The following CERT1 variants were observed in gnomAD, a reference collection of about 807,000 sequenced individuals.
CERT1 encodes the protein ceramide transfer protein.
A neutral mutation model predicts 87.9 loss-of-function variants in CERT1; 31 were observed. The ratio of observed to expected loss-of-function variants is 0.35; its 90% CI spans 0.27 to 0.48. CERT1 has a LOEUF of 0.48. CERT1 is among the 20% of genes least tolerant of loss of function. CERT1 has a pLI of 0.99. For missense variants in CERT1, 487 were observed against 758.0 expected (o/e 0.64, Z 4.20); for synonymous variants, 289 against 250.9 (o/e 1.15, Z -1.44).
chr5:75,416,782 A>G, intron 7 of CERT1, 94 bp downstream of exon 7: 3 of 1,129,674 alleles, frequency 2.7e-6, no homozygotes, highest in Non-Finnish European at 3.8e-6. Context: ...TCAACCCAAG[A>G]TTCTTCCCTA....
chr5:75,416,051 C>G (rs1048642427), intron 7 of CERT1, among the ~76,000 whole-genome samples: 3 of 152,108 alleles, frequency 2.0e-5, no homozygotes, highest in Admixed American at 2.0e-4. Context: ...GTGTCCCGCT[C>G]AAATTCAAAG....
intron 1 of CERT1, among the ~76,000 whole-genome samples, chr5:75,507,397 C>A (rs1417753307): frequency 6.6e-6 from 1 of 152,122 alleles, no homozygotes; most frequent in Non-Finnish European, 1.5e-5. Context: ...AGGTGAGCCA[C>A]CATCCCTAGC....
downstream of CERT1, chr5:75,374,990 A>T: frequency 4.2e-6 from 1 of 236,878 alleles, no homozygotes; most frequent in Non-Finnish European, 8.4e-6. Flanking sequence ...TTATTCATGT[A>T]AATCAAATCT....
chr5:75,434,994 C>T (rs995800971), intron 3 of CERT1, among the ~76,000 whole-genome samples: 1 of 152,086 alleles, frequency 6.6e-6, no homozygotes, highest in Non-Finnish European at 1.5e-5. Flanking sequence ...GATCAGCTCT[C>T]ATTTTATTTG....
intron 3 of CERT1, among the ~76,000 whole-genome samples, chr5:75,436,607 A>G (rs1055262624): frequency 1.3e-5 from 2 of 152,164 alleles, no homozygotes; most frequent in African/African-American, 4.8e-5. Context: ...AATATAAGGT[A>G]TTTCAGAAGT....
intron 2 of CERT1, among the ~76,000 whole-genome samples, chr5:75,471,818 CAT>C (rs953513315): frequency 1.1e-4 from 16 of 149,372 alleles, no homozygotes; most frequent in Non-Finnish European, 2.1e-4. Flanking sequence ...CTGTGTGACA[CAT>C]GACTGTATTG....
intron 3 of CERT1, among the ~76,000 whole-genome samples, chr5:75,436,292 C>G (rs1278459602): frequency 6.6e-6 from 1 of 152,162 alleles, no homozygotes; most frequent in East Asian, 1.9e-4. Flanking sequence ...CTCGGCCTCC[C>G]TAAGTGCTGG....
chr5:75,373,117 A>G (rs1347505314), downstream of CERT1: 2 of 152,250 alleles, frequency 1.3e-5, no homozygotes, highest in Non-Finnish European at 2.9e-5. Context: ...GCTCTGCTGA[A>G]GTTTCTGATC....
chr5:75,481,015 T>G (rs1465608558), intron 2 of CERT1, among the ~76,000 whole-genome samples: 2 of 152,176 alleles, frequency 1.3e-5, no homozygotes, highest in African/African-American at 4.8e-5. Context: ...GTGATCCTGT[T>G]GCACGGATCA....
Position 75,499,084 on chromosome 5 carries a change from G to C in CERT1, c.231+6898C>G, listed in dbSNP as rs141494236. Reference sequence around the variant, plus strand: ...GGCTGCCTGCCAATTTCTCCCATTTGGAATAGGTGTATTTACCCACTGCCC... The same window carrying C: ...GGCTGCCTGCCAATTTCTCCCATTTCGAATAGGTGTATTTACCCACTGCCC... On this transcript the variant is annotated intron_variant, in intron 2 of 16. Coordinates refer to ENST00000643780, the MANE Select transcript of CERT1 (RefSeq NM_001379029.1). Among the ~76,000 whole-genome samples, 164 of 152,284 alleles carry C rather than the reference G, an allele frequency of 1.1e-3. 1 individual carries two copies. The East Asian group carries it at 0.027, about 25-fold the overall frequency.
intron 11 of CERT1, among the ~76,000 whole-genome samples, chr5:75,395,248 A>G (rs145935809): frequency 2.0e-5 from 3 of 152,210 alleles, no homozygotes; most frequent in African/African-American, 7.2e-5. Flanking sequence ...ATAACTGTGA[A>G]CAAAATGATC....
intron 3 of CERT1, among the ~76,000 whole-genome samples, chr5:75,435,624 A>C (rs13176978): frequency 6.6e-6 from 1 of 152,074 alleles, no homozygotes; most frequent in Non-Finnish European, 1.5e-5. Flanking sequence ...TGAGGCTCTT[A>C]AGGAATTGAC....
Position 75,464,380 on chromosome 5 carries a change from T to C in CERT1, c.232-5199A>G, listed in dbSNP as rs146906046. Among the ~76,000 whole-genome samples the C allele has an allele frequency of 2.1e-3, 313 of 152,184 alleles. 1 individual carries two copies. The East Asian group carries it at 0.027, about 13-fold the overall frequency. On this transcript the variant is annotated intron_variant, in intron 2 of 16. Coordinates refer to ENST00000643780, the MANE Select transcript of CERT1 (RefSeq NM_001379029.1). ...TACCGCATAGTAACATTAGAGGCCC[T>C]ACTCTCCACCCTCTGGACAGACTAA...
intron 3 of CERT1, among the ~76,000 whole-genome samples, chr5:75,447,394 TG>T (rs1764589304): frequency 1.3e-5 from 2 of 152,152 alleles, no homozygotes; most frequent in Non-Finnish European, 2.9e-5. Context: ...TACCGTTGTC[TG>T]GGTTATAAGA....
At position 75,445,757 on chromosome 5, in the gene CERT1, T is replaced by C. The variant is rs147566265; in HGVS notation, c.348+13308A>G. 6.8e-3 allele frequency among the ~76,000 whole-genome samples: 1,040 copies of C among 152,284 alleles called. 5 individuals carry two copies. Among genetic ancestry groups the C allele is most frequent in the Non-Finnish European group, 0.011 (767 of 67,998 alleles). On this transcript the variant is annotated intron_variant, in intron 3 of 16. Transcript: ENST00000643780. ...GATCCACCTGCCTCTACCTCCTGAG[T>C]AGCTGAGATTACAGGTGCAATGCCA...
intron 3 of CERT1, among the ~76,000 whole-genome samples, chr5:75,427,085 C>T (rs754532097): frequency 4.6e-5 from 7 of 152,100 alleles, no homozygotes; most frequent in Non-Finnish European, 8.8e-5. Flanking sequence ...GTTCATGGCA[C>T]GAAGTTTCCA....
intron 2 of CERT1, among the ~76,000 whole-genome samples, chr5:75,484,393 C>T (rs375434477): frequency 6.7e-6 from 1 of 149,924 alleles, no homozygotes; most frequent in African/African-American, 2.5e-5. Context: ...TAAATCCTTG[C>T]TTATTAATAA....
At chr5:75,483,368 A>G (rs894201548) in intron 2 of CERT1, among the ~76,000 whole-genome samples, 34 of 152,168 alleles carry the variant, frequency 2.2e-4, no homozygotes, top group African/African-American at 7.5e-4. Context: ...GAATGTAGCA[A>G]GCCTACAAGA....
intron 17 of CERT1, chr5:75,372,616 T>C (rs1470690990): frequency 6.6e-6 from 1 of 152,236 alleles, no homozygotes; most frequent in African/African-American, 2.4e-5. Flanking sequence ...TCCGCGTGCA[T>C]GTAATGTAAG....
Sources: gnomAD v4.1 joint callset for allele counts (sites outside exome capture counted in the v4.1 genomes callset) on GRCh38, gnomAD v4.1.1 for gene constraint, MANE v1.5 for transcripts, NCBI Gene and HGNC (gene_info 2026-07-23, HGNC 2026-07-21) for gene names.